Variants in RFX3 observed in about 807,000 individuals in gnomAD.
RFX3 encodes regulatory factor X3.
A neutral mutation model predicts 98.6 loss-of-function variants in RFX3; 14 were observed. The ratio of observed to expected loss-of-function variants is 0.14; its 90% CI spans 0.09 to 0.22. The LOEUF (loss-of-function observed/expected upper bound fraction) is 0.22. Ranked by LOEUF, RFX3 falls within the 10% of genes least tolerant of loss-of-function variation. RFX3 has a pLI of 1.00. For synonymous variants in RFX3, 383 were observed against 328.4 expected, an observed-to-expected ratio of 1.17 and a Z score of -1.80; for missense variants, 639 against 926.9, an observed-to-expected ratio of 0.69 and a Z score of 4.03.
chr9:3,293,047 T>C, intron 6 of RFX3, 30 bp downstream of exon 6: 1 of 1,530,578 alleles, frequency 6.5e-7, no homozygotes, highest in Non-Finnish European at 8.9e-7. Context: ...AAAGAGAGAT[T>C]AGTTTATGAT....
At chr9:3,294,610 A>T (rs953163814) in intron 5 of RFX3, among the ~76,000 whole-genome samples, 20 of 152,176 alleles carry the variant, frequency 1.3e-4, no homozygotes, top group Admixed American at 7.2e-4. Flanking sequence ...CAGACTTTTA[A>T]TTTAAAAATT....
At position 3,256,335 on chromosome 9, in the gene RFX3, G is replaced by C. The variant is rs998454330; in HGVS notation, c.1814+656C>G. 1.0e-4 allele frequency among the ~76,000 whole-genome samples: 5 copies of C among 49,878 alleles called. No homozygotes were observed. The East Asian group carries it at 2.4e-3, about 24-fold the overall frequency. The allele number at this position is 49,878 out of a possible 152,430, so 32.7% of individuals were successfully genotyped here. A position where few individuals can be genotyped will look rare whatever the true frequency, so the allele number is the denominator to read the frequency against. The stretch of plus-strand genomic sequence containing the variant: ...AGGTCTTGGGAGGCACCTAGGATTT[G>C]TTTCTTTTTTTTTTTTTTTACATTA... On this transcript the variant is annotated intron_variant, in intron 14 of 16. Coordinates refer to ENST00000617270, the MANE Select transcript of RFX3 (RefSeq NM_001282116.2).
At chr9:3,446,185 C>T (rs1190446874) in intron 1 of RFX3, among the ~76,000 whole-genome samples, 5 of 151,900 alleles carry the variant, frequency 3.3e-5, no homozygotes, top group Non-Finnish European at 4.4e-5. Context: ...GATACACAAA[C>T]GAGTGGGTTA....
At chr9:3,321,243 A>G (rs1323803412) in intron 4 of RFX3, among the ~76,000 whole-genome samples, 1 of 152,140 alleles carries the variant, frequency 6.6e-6, no homozygotes, top group Non-Finnish European at 1.5e-5. Context: ...CAACAAATAT[A>G]GTTTTTATGT....
At chr9:3,516,401 C>T (rs1211764139) in intron 1 of RFX3, among the ~76,000 whole-genome samples, 1 of 152,158 alleles carries the variant, frequency 6.6e-6, no homozygotes, top group Non-Finnish European at 1.5e-5. Flanking sequence ...AAACAAAAGA[C>T]TATTTTTCTG....
Position 3,225,209 on chromosome 9 carries a change from C to T in RFX3, c.2083G>A (p.Glu695Lys), listed in dbSNP as rs1391502810. The T allele has an allele frequency of 9.9e-6, 16 of 1,613,900 alleles. No homozygotes were observed. The highest frequency in any genetic ancestry group is 1.3e-5 in the Non-Finnish European group (15 of 1,179,914). Reference sequence around the variant, plus strand: ...AATGCCTGGCTCAGCTCTGTTTTCTCTCTTTTGGCTTGAGGCTCTGAAGAG... The same window carrying T: ...AATGCCTGGCTCAGCTCTGTTTTCTTTCTTTTGGCTTGAGGCTCTGAAGAG... ...DDSSEPQAKR[E>K]KTELSQAFPV... Residue 695 changes from glutamate to lysine, a missense_variant, in exon 17 of 17, where the codon GAG (glutamate) becomes AAG (lysine). Physicochemically the swap from Glu to Lys is moderately conservative, Grantham distance 56. Coordinates refer to ENST00000617270, the MANE Select transcript of RFX3 (RefSeq NM_001282116.2).
intron 1 of RFX3, among the ~76,000 whole-genome samples, chr9:3,504,884 TA>T (rs1816674545): frequency 1.5e-5 from 1 of 68,548 alleles, no homozygotes; most frequent in South Asian, 4.4e-4. Context: ...ATATATTATA[TA>T]TAATATAACA....
At chr9:3,431,272 A>G (rs1416306280) in intron 1 of RFX3, among the ~76,000 whole-genome samples, 52 of 152,176 alleles carry the variant, frequency 3.4e-4, no homozygotes, top group Non-Finnish European at 4.4e-5. Context: ...AACCTGGAAT[A>G]ACACCATGGG....
chr9:3,247,981 T>C (rs1233205000), intron 15 of RFX3, 51 bp downstream of exon 15: 4 of 1,613,960 alleles, frequency 2.5e-6, no homozygotes, highest in Non-Finnish European at 3.4e-6. Flanking sequence ...AGTGTAATTC[T>C]GGCTTATTTT....
chr9:3,297,883 T>C (rs1828183391), intron 5 of RFX3, among the ~76,000 whole-genome samples: 1 of 151,890 alleles, frequency 6.6e-6, no homozygotes, highest in Admixed American at 6.6e-5. Context: ...ATTAACAACA[T>C]TTCTGAATTC....
At position 3,504,498 on chromosome 9, in the gene RFX3, CCAT is replaced by C. The variant is rs1406810221; in HGVS notation, c.-9+21246_-9+21248del. ...TTGTATATAAAATATATATTATATG[CCAT>C]ATGGTATATATTGCATATAAAATAT... On this transcript the variant is annotated intron_variant, in intron 1 of 16. Transcript: ENST00000617270. Among the ~76,000 whole-genome samples, 19 of 120,716 alleles carry C rather than the reference CCAT, an allele frequency of 1.6e-4. 1 individual carries two copies. Among genetic ancestry groups the C allele is most frequent in the South Asian group, 5.6e-4 (2 of 3,586 alleles). The allele number at this position is 120,716 out of a possible 152,430, so 79.2% of individuals were successfully genotyped here. A position where few individuals can be genotyped will look rare whatever the true frequency, so the allele number is the denominator to read the frequency against.
chr9:3,331,683 C>G (rs970754993), intron 3 of RFX3, among the ~76,000 whole-genome samples: 12 of 152,090 alleles, frequency 7.9e-5, no homozygotes, highest in African/African-American at 2.9e-4. Context: ...TTTGGAATCT[C>G]CAATTTTTCT....
intron 1 of RFX3, among the ~76,000 whole-genome samples, chr9:3,404,581 A>G (rs1021187032): frequency 9.2e-5 from 14 of 152,080 alleles, no homozygotes; most frequent in Non-Finnish European, 8.8e-5. Context: ...CTATATAGCT[A>G]TATTATCTAA....
At chr9:3,256,410 G>C (rs1038578300) in intron 14 of RFX3, among the ~76,000 whole-genome samples, 5 of 150,462 alleles carry the variant, frequency 3.3e-5, no homozygotes, top group African/African-American at 9.8e-5. Context: ...ATAAAATTAA[G>C]AAGTTAAATA....
At chr9:3,263,328 G>T (rs746322852) in intron 12 of RFX3, among the ~76,000 whole-genome samples, 1 of 152,154 alleles carries the variant, frequency 6.6e-6, no homozygotes, top group African/African-American at 2.4e-5. Flanking sequence ...CGACATCTGA[G>T]CGTAGCATTA....
chr9:3,424,795 A>C (rs1843846406), intron 1 of RFX3, among the ~76,000 whole-genome samples: 1 of 152,242 alleles, frequency 6.6e-6, no homozygotes, highest in African/African-American at 2.4e-5. Context: ...CTCTAAAATT[A>C]TACATATATA....
chr9:3,241,912 AG>A (rs1189797380), intron 15 of RFX3, among the ~76,000 whole-genome samples: 1 of 152,216 alleles, frequency 6.6e-6, no homozygotes, highest in Non-Finnish European at 1.5e-5. Flanking sequence ...TGTAAGGCAG[AG>A]GAAAAAAAAC....
intron 1 of RFX3, among the ~76,000 whole-genome samples, chr9:3,435,032 G>A (rs75443617): frequency 1.4e-3 from 212 of 151,552 alleles, no homozygotes; most frequent in African/African-American, 5.0e-3. Context: ...TAAAAATATG[G>A]CATAAGAGAT....
chr9:3,524,556 TA>T (rs577224517), intron 1 of RFX3: 56,105 of 701,662 alleles, frequency 0.08, 12 homozygotes, highest in Middle Eastern at 0.09. Flanking sequence ...ATGAGGAGAT[TA>T]AAAAAAAAAA....
Sources: gnomAD v4.1 joint callset for allele counts (sites outside exome capture counted in the v4.1 genomes callset) on GRCh38, gnomAD v4.1.1 for gene constraint, MANE v1.5 for transcripts, NCBI Gene and HGNC (gene_info 2026-07-23, HGNC 2026-07-21) for gene names.